SGCD: variants seen among roughly 807,000 people sequenced by gnomAD.
SGCD encodes delta-sarcoglycan.
A neutral mutation model predicts 36.6 loss-of-function variants in SGCD; 18 were observed. The ratio of observed to expected loss-of-function variants is 0.49; its 90% confidence interval spans 0.34 to 0.73. SGCD has a LOEUF of 0.73. Ranked by LOEUF, SGCD falls within the 30% of genes least tolerant of loss-of-function variation. SGCD has a pLI of 0.01. For missense variants in SGCD, 387 were observed against 346.7 expected (o/e 1.12, Z -0.92); for synonymous variants, 133 against 130.6 (o/e 1.02, Z -0.12).
the SGCD span, among the ~76,000 whole-genome samples, chr5:155,828,500 C>G: frequency 2.0e-5 from 3 of 151,734 alleles, no homozygotes; most frequent in African/African-American, 7.3e-5. Flanking sequence ...TTTTCTCTAA[C>G]AACAACAACA....
At chr5:156,023,195 G>A (rs553415137) in intron 1 of SGCD, among the ~76,000 whole-genome samples, 12 of 152,304 alleles carry the variant, frequency 7.9e-5, no homozygotes, top group African/African-American at 2.9e-4. Context: ...ACATGTGTAG[G>A]CACCCAACAG....
chr5:156,181,944 T>C (rs1763618732), intron 3 of SGCD, among the ~76,000 whole-genome samples: 1 of 152,236 alleles, frequency 6.6e-6, no homozygotes, highest in Non-Finnish European at 1.5e-5. Flanking sequence ...GGAAGGCATC[T>C]GGGAGTCTTC....
intron 4 of SGCD, among the ~76,000 whole-genome samples, chr5:156,552,302 G>C (rs1424101392): frequency 6.6e-6 from 1 of 152,132 alleles, no homozygotes; most frequent in Non-Finnish European, 1.5e-5. Context: ...GGTCCTATTT[G>C]CCTGTAGTGC....
rs372699722 is a variant in SGCD at position 156,623,122 on chromosome 5, A to G, written c.503-24342A>G. On this transcript the variant is annotated intron_variant, in intron 6 of 8. Transcript: ENST00000337851. ...TATGTGTGTATATATGTGTATACAC[A>G]TGTACATTAGATAAATATATATACA... Among the ~76,000 whole-genome samples, 6 of 152,210 alleles carry G rather than the reference A, an allele frequency of 3.9e-5. No individual in the cohort carries two copies. The East Asian group carries it at 5.8e-4, about 15-fold the overall frequency.
intron 7 of SGCD, among the ~76,000 whole-genome samples, chr5:156,717,885 C>A (rs1755298334): frequency 6.6e-6 from 1 of 151,672 alleles, no homozygotes; most frequent in Non-Finnish European, 1.5e-5. Context: ...TCCTGACCAA[C>A]CCCCAAGGCT....
intron 3 of SGCD, among the ~76,000 whole-genome samples, chr5:156,271,370 G>A (rs368733699): frequency 7.2e-5 from 11 of 152,198 alleles, no homozygotes; most frequent in African/African-American, 1.7e-4. Context: ...CTACAGGTTC[G>A]TCTGGTCTTA....
At chr5:156,471,667 A>C (rs1055481633) in intron 3 of SGCD, among the ~76,000 whole-genome samples, 1 of 152,142 alleles carries the variant, frequency 6.6e-6, no homozygotes, top group Non-Finnish European at 1.5e-5. Context: ...TCATATACTA[A>C]AATATAAAAG....
At chr5:156,306,602 A>G (rs1767219366) in intron 3 of SGCD, among the ~76,000 whole-genome samples, 1 of 152,202 alleles carries the variant, frequency 6.6e-6, no homozygotes, top group Non-Finnish European at 1.5e-5. Context: ...CCTCCATGCC[A>G]TATGGCCATT....
intron 6 of SGCD, among the ~76,000 whole-genome samples, chr5:156,603,802 T>C (rs1288531824): frequency 6.6e-6 from 1 of 152,078 alleles, no homozygotes; most frequent in African/African-American, 2.4e-5. Flanking sequence ...AAGACTTGTT[T>C]TGTGGTATAA....
chr5:155,941,577 A>G (rs1015977519), intron 1 of SGCD, among the ~76,000 whole-genome samples: 1 of 151,274 alleles, frequency 6.6e-6, no homozygotes, highest in Non-Finnish European at 1.5e-5. Context: ...TTAATAATCA[A>G]TATTATTTAA....
At chr5:156,048,915 A>T (rs1271265254) in intron 1 of SGCD, among the ~76,000 whole-genome samples, 1 of 151,860 alleles carries the variant, frequency 6.6e-6, no homozygotes, top group Non-Finnish European at 1.5e-5. Flanking sequence ...TATGTCCTGA[A>T]TGGTGTTGCC....
At chr5:156,026,765 A>G (rs145210275) in intron 1 of SGCD, among the ~76,000 whole-genome samples, 2 of 152,312 alleles carry the variant, frequency 1.3e-5, no homozygotes, top group South Asian at 2.1e-4. Flanking sequence ...GAGAGTCCAT[A>G]GATCATGGAA....
At chr5:155,791,011 T>C in the SGCD span, among the ~76,000 whole-genome samples, 2 of 152,162 alleles carry the variant, frequency 1.3e-5, no homozygotes, top group Admixed American at 6.6e-5. Flanking sequence ...GGTAGAATAG[T>C]GTTTCTTTGG....
intron 3 of SGCD, among the ~76,000 whole-genome samples, chr5:156,397,286 A>G (rs1771908551): frequency 6.6e-6 from 1 of 152,236 alleles, no homozygotes; most frequent in African/African-American, 2.4e-5. Context: ...ATAAAGGATC[A>G]AAGAGTAAAA....
chr5:156,313,678 T>C (rs949182992), intron 3 of SGCD, among the ~76,000 whole-genome samples: 3 of 151,994 alleles, frequency 2.0e-5, no homozygotes, highest in African/African-American at 7.2e-5. Flanking sequence ...GCTGAAGGAG[T>C]TTGTTACTTA....
chr5:155,814,982 T>G, the SGCD span, among the ~76,000 whole-genome samples: 4 of 152,326 alleles, frequency 2.6e-5, no homozygotes, highest in Non-Finnish European at 5.9e-5. Context: ...CCTTTCTGAG[T>G]AAACATTCCA....
chr5:156,030,524 T>G (rs2127575461), intron 1 of SGCD, among the ~76,000 whole-genome samples: 1 of 152,350 alleles, frequency 6.6e-6, no homozygotes. Flanking sequence ...GATTCCAGAC[T>G]TCTAGCCTCC....
chr5:156,052,055 G>A (rs1181138176), intron 1 of SGCD, among the ~76,000 whole-genome samples: 1 of 146,144 alleles, frequency 6.8e-6, no homozygotes, highest in Non-Finnish European at 1.5e-5. Flanking sequence ...ATTTTATTGG[G>A]TGAAAAAGGG....
chr5:156,131,788 G>C (rs1160090313), intron 3 of SGCD, among the ~76,000 whole-genome samples: 2 of 152,232 alleles, frequency 1.3e-5, no homozygotes, highest in Admixed American at 6.5e-5. Flanking sequence ...CAGAATGATT[G>C]AAAGTGGCCT....
Sources: gnomAD v4.1 joint callset for allele counts (sites outside exome capture counted in the v4.1 genomes callset) on GRCh38, gnomAD v4.1.1 for gene constraint, MANE v1.5 for transcripts, NCBI Gene and HGNC (gene_info 2026-07-23, HGNC 2026-07-21) for gene names.